Variants in UTP11 observed in about 807,000 individuals in gnomAD.
The protein encoded by UTP11 is UTP11 small subunit processome component.
In UTP11, 29 loss-of-function variants were observed where a neutral mutation model predicts 39.0. That is an observed-to-expected ratio of 0.74 (90% CI 0.55 to 1.01). UTP11 has a LOEUF of 1.01. Among genes scored for constraint, UTP11 ranks in the 50% least tolerant of loss-of-function variants. The probability of loss-of-function intolerance (pLI) is 0.00; values close to 1 mark genes in which losing one functional copy is unlikely to be tolerated. For missense variants in UTP11, 281 were observed against 306.0 expected (o/e 0.92, Z 0.61); for synonymous variants, 111 against 105.0 (o/e 1.06, Z -0.35).
chr1:38,016,514 T>G, intron 2 of UTP11, 94 bp downstream of exon 2: 2 of 1,307,518 alleles, frequency 1.5e-6, no homozygotes, highest in Non-Finnish European at 2.2e-6. Context: ...CAGGGGATAA[T>G]TTCCTGCCAT....
chr1:38,023,769 C>A lies in UTP11; in HGVS notation c.*141C>A. Reference sequence around the variant, plus strand: ...TGTCAGTCTGACATTTAATGTCTTTCTATGGACAACATTAAATCTCCCTCC... The same window carrying A: ...TGTCAGTCTGACATTTAATGTCTTTATATGGACAACATTAAATCTCCCTCC... On this transcript the variant is annotated 3_prime_UTR_variant, in exon 8 of 8. Coordinates refer to ENST00000373014, the MANE Select transcript of UTP11 (RefSeq NM_016037.4). 1.7e-6 allele frequency: 1 copy of A among 586,634 alleles called. No homozygotes were observed. The highest frequency in any genetic ancestry group is 2.8e-6 in the Non-Finnish European group (1 of 351,402). The allele number at this position is 586,634 out of a possible 1,614,324, so 36.3% of individuals were successfully genotyped here. A position where few individuals can be genotyped will look rare whatever the true frequency, so the allele number is the denominator to read the frequency against.
chr1:38,022,670 C>T, intron 6 of UTP11, 29 bp from the exon 7 acceptor site: 4 of 1,498,858 alleles, frequency 2.7e-6, no homozygotes, highest in Non-Finnish European at 2.8e-6. Flanking sequence ...GTTCATTGTT[C>T]ACTGAGAATG....
At chr1:38,019,666 T>C (rs539679155) in intron 6 of UTP11, among the ~76,000 whole-genome samples, 34 of 152,218 alleles carry the variant, frequency 2.2e-4, no homozygotes, top group African/African-American at 7.7e-4. Flanking sequence ...GTATTTTTCA[T>C]AGAGATGGGG....
chr1:38,016,463 A>T, intron 2 of UTP11, 43 bp downstream of exon 2: 1 of 1,605,454 alleles, frequency 6.2e-7, no homozygotes, highest in Non-Finnish European at 8.5e-7. Context: ...AAGAAAGCTT[A>T]CAACCTCCTT....
rs926721657 is a variant in UTP11 at position 38,024,504 on chromosome 1, G to A, written c.*876G>A. 2.0e-5 allele frequency: 3 copies of A among 149,374 alleles called. No homozygotes were observed. The highest frequency in any genetic ancestry group is 4.4e-5 in the Non-Finnish European group (3 of 67,674). The allele number at this position is 149,374 out of a possible 1,614,324, so 9.3% of individuals were successfully genotyped here. A position where few individuals can be genotyped will look rare whatever the true frequency, so the allele number is the denominator to read the frequency against. Reference sequence around the variant, plus strand: ...TGCAAGCTCCGCTTCCCGGGTTCACGCCATTCTCCTGCCTCAGCCTCCCGA... The same window carrying A: ...TGCAAGCTCCGCTTCCCGGGTTCACACCATTCTCCTGCCTCAGCCTCCCGA... On this transcript the variant is annotated 3_prime_UTR_variant, in exon 8 of 8. Transcript: ENST00000373014.
chr1:38,022,681 T>G lies in UTP11; in HGVS notation c.568-18T>G. 1 of 1,554,466 alleles carries G rather than the reference T, an allele frequency of 6.4e-7. No individual in the cohort carries two copies. Among genetic ancestry groups the G allele is most frequent in the Non-Finnish European group, 8.9e-7 (1 of 1,126,678 alleles). The stretch of plus-strand genomic sequence containing the variant: ...TCCTGTTCATTGTTCACTGAGAATG[T>G]GTGTGTTTCTTCTCCAGCGAATAGC... On this transcript the variant is annotated intron_variant, in intron 6 of 7. Coordinates refer to ENST00000373014, the MANE Select transcript of UTP11 (RefSeq NM_016037.4).
Position 38,022,693 on chromosome 1 carries a change from C to T in UTP11, c.568-6C>T. 1 of 1,600,678 alleles carries T rather than the reference C, an allele frequency of 6.2e-7. No individual in the cohort carries two copies. Among genetic ancestry groups the T allele is most frequent in the Non-Finnish European group, 8.6e-7 (1 of 1,168,168 alleles). ...TTCACTGAGAATGTGTGTGTTTCTT[C>T]TCCAGCGAATAGCTAAAGAAAGGCA... is the stretch of plus-strand genomic sequence containing the variant. On this transcript the variant is annotated splice_region_variant and splice_polypyrimidine_tract_variant and intron_variant, in intron 6 of 7. Transcript: ENST00000373014.
chr1:38,023,352 A>G (rs41302748), intron 7 of UTP11, among the ~76,000 whole-genome samples, 193 bp from the exon 8 acceptor site: 17,278 of 152,238 alleles, frequency 0.11, 1,058 homozygotes, highest in Middle Eastern at 0.17. Context: ...AGGACTGTAC[A>G]CAGCTAGTAC....
At position 38,019,065 on chromosome 1, in the gene UTP11, G is replaced by A. The variant is rs775273655; in HGVS notation, c.349G>A (p.Glu117Lys). Residue 117 changes from glutamate to lysine, a missense_variant, in exon 5 of 8, where the codon GAA becomes AAA. Glu to Lys is a moderately conservative substitution (Grantham distance 56). Coordinates refer to ENST00000373014, the MANE Select transcript of UTP11 (RefSeq NM_016037.4). ...ACCATATTCTGTGTTCTAGAAAATC[G>A]AAAGACTAAAATCAGAGCTCCATCT... is the stretch of plus-strand genomic sequence containing the variant. ...MKRVAEAKKI[E>K]RLKSELHLLD... 5 of 1,612,314 alleles carry A rather than the reference G, an allele frequency of 3.1e-6. No individual in the cohort carries two copies. The highest frequency in any genetic ancestry group is 1.1e-5 in the South Asian group (1 of 90,886).
Position 38,016,402 on chromosome 1 carries a change from A to G in UTP11, c.107A>G (p.Asp36Gly). Reference protein sequence around the residue: ...KHLGLLEKKKDYKLRADDYRK... With the variant: ...KHLGLLEKKKGYKLRADDYRK... ...CTGGGCCTGCTGGAGAAAAAGAAAGATTACAAACTTCGTGCAGAGTGAGTT... is the reference window on the plus strand; with the variant it reads ...CTGGGCCTGCTGGAGAAAAAGAAAGGTTACAAACTTCGTGCAGAGTGAGTT... Residue 36 changes from aspartate (D) to glycine (G), a missense_variant, in exon 2 of 8, where the codon GAT (aspartate) becomes GGT (glycine). Physicochemically the swap from Asp to Gly is moderately conservative, Grantham distance 94. Transcript: ENST00000373014. The G allele has an allele frequency of 6.2e-7, 1 of 1,614,198 alleles. No homozygotes were observed. The highest frequency in any genetic ancestry group is 8.5e-7 in the Non-Finnish European group (1 of 1,180,020).
rs114380459 is a variant in UTP11, at chr1:38,023,669, G to T, written c.*41G>T. 2.6e-6 allele frequency: 4 copies of T among 1,560,880 alleles called. No homozygotes were observed. Among genetic ancestry groups the T allele is most frequent in the Non-Finnish European group, 3.5e-6 (4 of 1,151,232 alleles). ...CCTTGTCATTCTGTATCAAAAATCT[G>T]TTGTCGTTTTCTAGTAACTTCAAAT... On this transcript the variant is annotated 3_prime_UTR_variant, in exon 8 of 8. Coordinates refer to ENST00000373014, the MANE Select transcript of UTP11 (RefSeq NM_016037.4).
rs186245613 is a variant in UTP11, at chr1:38,018,124, G to A, written c.229-340G>A. Among the ~76,000 whole-genome samples, 36 of 152,042 alleles carry A rather than the reference G, an allele frequency of 2.4e-4. 1 individual carries two copies. The highest frequency in any genetic ancestry group is 2.1e-3 in the East Asian group (11 of 5,182). On this transcript the variant is annotated intron_variant, in intron 3 of 7. Coordinates refer to ENST00000373014, the MANE Select transcript of UTP11 (RefSeq NM_016037.4). The stretch of plus-strand genomic sequence containing the variant: ...CACTCTCTGTTGCCCAGGCTGGAGT[G>A]CAGTGGTGCGACCTCGGCTCCCTGC...
At chr1:38,016,475 C>T in intron 2 of UTP11, 55 bp downstream of exon 2, 1 of 1,582,392 alleles carries the variant, frequency 6.3e-7, no homozygotes, top group Non-Finnish European at 8.7e-7. Context: ...AACCTCCTTG[C>T]ACTGCAGCTG....
chr1:38,014,777 A>T (rs1160594657), intron 1 of UTP11, among the ~76,000 whole-genome samples: 1 of 152,116 alleles, frequency 6.6e-6, no homozygotes, highest in Non-Finnish European at 1.5e-5. Context: ...CTGGGACCAC[A>T]GGCGTGTACT....
chr1:38,014,921 A>C (rs1291519555), intron 1 of UTP11, among the ~76,000 whole-genome samples: 1 of 152,138 alleles, frequency 6.6e-6, no homozygotes, highest in Non-Finnish European at 1.5e-5. Context: ...TAGGATTGCA[A>C]GTGTGAGCCT....
chr1:38,012,739 A>T lies in UTP11; in HGVS notation c.-64A>T. The T allele has an allele frequency of 6.2e-7, 1 of 1,607,588 alleles. No individual in the cohort carries two copies. The highest frequency in any genetic ancestry group is 8.5e-7 in the Non-Finnish European group (1 of 1,174,142). On this transcript the variant is annotated 5_prime_UTR_variant, in exon 1 of 8. Transcript: ENST00000373014. ...GCCTATTTCCGGTAGGAATCAGTGG[A>T]CTTGGCGGCAGAGGCAGTGCGGATC...
intron 1 of UTP11, among the ~76,000 whole-genome samples, chr1:38,015,505 A>T (rs188129829): frequency 1.4e-4 from 22 of 152,264 alleles, no homozygotes; most frequent in Admixed American, 8.5e-4. Context: ...CCCTTTATGG[A>T]AAACTGGGGT....
At position 38,012,760 on chromosome 1, in the gene UTP11, G is replaced by A. The variant is rs756434917; in HGVS notation, c.-43G>A. 4.3e-6 allele frequency: 7 copies of A among 1,613,290 alleles called. No homozygotes were observed. The highest frequency in any genetic ancestry group is 5.1e-6 in the Non-Finnish European group (6 of 1,179,238). Reference sequence around the variant, plus strand: ...GTGGACTTGGCGGCAGAGGCAGTGCGGATCCGGCGTTCTCCACTGATCTTT... The same window carrying A: ...GTGGACTTGGCGGCAGAGGCAGTGCAGATCCGGCGTTCTCCACTGATCTTT... On this transcript the variant is annotated 5_prime_UTR_variant, in exon 1 of 8. Transcript: ENST00000373014.
In UTP11 at chr1:38,023,607, T is replaced by C. The variant is rs1174673255; in HGVS notation, c.741T>C (p.Phe247=). Residue 247 remains phenylalanine (F), a synonymous_variant, in exon 8 of 8, where the codon TTT becomes TTC. Transcript: ENST00000373014. ...ETVNSPAIYK[F]QSRRKR is the part of the protein sequence containing the mutation. The stretch of plus-strand genomic sequence containing the variant: ...TGAACTCCCCAGCTATTTATAAATT[T>C]CAGAGTCGTCGAAAACGTTGACGTG... 6.2e-7 allele frequency: 1 copy of C among 1,610,626 alleles called. No individual in the cohort carries two copies. Among genetic ancestry groups the C allele is most frequent in the Non-Finnish European group, 8.5e-7 (1 of 1,178,674 alleles).
Sources: gnomAD v4.1 joint callset for allele counts (sites outside exome capture counted in the v4.1 genomes callset) on GRCh38, gnomAD v4.1.1 for gene constraint, MANE v1.5 for transcripts, NCBI Gene and HGNC (gene_info 2026-07-23, HGNC 2026-07-21) for gene names.